The following TMEM245 variants were observed in gnomAD, a reference collection of about 807,000 sequenced individuals.
TMEM245 encodes the protein protein CG-2.
In TMEM245, 69 loss-of-function variants were observed where a neutral mutation model predicts 101.2. That is an observed-to-expected ratio of 0.68 (90% CI 0.56 to 0.83). TMEM245 has a LOEUF of 0.83. TMEM245 is among the 40% of genes least tolerant of loss of function. The probability of loss-of-function intolerance (pLI) is 0.00; values close to 1 mark genes in which losing one functional copy is unlikely to be tolerated. For missense variants in TMEM245, 1,075 were observed against 1,092.8 expected (o/e 0.98, Z 0.23); for synonymous variants, 537 against 449.8 (o/e 1.19, Z -2.45).
At chr9:109,097,247 G>A (rs996371894) in intron 3 of TMEM245, among the ~76,000 whole-genome samples, 1 of 152,192 alleles carries the variant, frequency 6.6e-6, no homozygotes, top group African/African-American at 2.4e-5. Flanking sequence ...GTAGAAAAGT[G>A]TTTCAGGAAG....
At chr9:109,079,602 G>C (rs1430539285) in intron 8 of TMEM245, among the ~76,000 whole-genome samples, 1 of 152,100 alleles carries the variant, frequency 6.6e-6, no homozygotes, top group Non-Finnish European at 1.5e-5. Context: ...TCTACACCCA[G>C]AAATAAATGG....
intron 16 of TMEM245, 108 bp from the exon 17 acceptor site, chr9:109,033,609 CA>C: frequency 8.9e-7 from 1 of 1,121,234 alleles, no homozygotes; most frequent in Non-Finnish European, 1.2e-6. Context: ...AGCATATTAT[CA>C]GCTTTCTTTA....
At chr9:109,119,215 G>A (rs957796724) in intron 1 of TMEM245, 120 bp downstream of exon 1, 7 of 917,994 alleles carry the variant, frequency 7.6e-6, no homozygotes, top group African/African-American at 3.5e-5. Context: ...GAGACGGACG[G>A]TCACTGCAGC....
intron 10 of TMEM245, among the ~76,000 whole-genome samples, chr9:109,062,934 C>T (rs142046068): frequency 0.01 from 1,533 of 151,824 alleles, 11 homozygotes; most frequent in Non-Finnish European, 0.013. Flanking sequence ...CACGCCACTG[C>T]ACTCCAGCCT....
At chr9:109,083,916 A>AAAAAAAACAAAAC (rs1564197281) in intron 7 of TMEM245, among the ~76,000 whole-genome samples, 1 of 132,502 alleles carries the variant, frequency 7.5e-6, no homozygotes, top group Non-Finnish European at 1.6e-5. Context: ...AAAAAAAAAA[A>AAAAAAAACAAAAC]AAAAAAAAAA....
intron 17 of TMEM245, among the ~76,000 whole-genome samples, chr9:109,030,496 T>C (rs1198774526): frequency 6.6e-6 from 1 of 152,246 alleles, no homozygotes; most frequent in Non-Finnish European, 1.5e-5. Context: ...CTTGAAATCA[T>C]TAAGTTTTTC....
Position 109,119,737 on chromosome 9 carries a change from G to A in TMEM245, c.177C>T (p.Ala59=), listed in dbSNP as rs1830856663. The A allele has an allele frequency of 5.2e-6, 8 of 1,536,764 alleles. No individual in the cohort carries two copies. Among genetic ancestry groups the A allele is most frequent in the East Asian group, 2.6e-5 (1 of 38,638 alleles). Residue 59 remains alanine (A), a synonymous_variant, in exon 1 of 18, where the codon GCC becomes GCT. Coordinates refer to ENST00000374586, the MANE Select transcript of TMEM245 (RefSeq NM_032012.4). ...PIKQAFYNTG[A]VLFVCLCCGA... ...CGCAGCACAGGCACACGAACAGCACGGCCCCGGTGTTGTAGAAGGCCTGCT... is the reference window on the plus strand; with the variant it reads ...CGCAGCACAGGCACACGAACAGCACAGCCCCGGTGTTGTAGAAGGCCTGCT...
In TMEM245 at chr9:109,038,099, G is replaced by A. The variant is rs769526690; in HGVS notation, c.2142C>T (p.Ser714=). The change falls in exon 15 of 18, where the codon TCC becomes TCT. Residue 714 remains serine (S), a synonymous_variant. Transcript: ENST00000374586. ...ATCCATAGAAGCCAGCCATTTTGAGGGAAGCATCAAACACCCCTCTGGAAT... is the reference window on the plus strand; with the variant it reads ...ATCCATAGAAGCCAGCCATTTTGAGAGAAGCATCAAACACCCCTCTGGAAT... The part of the protein sequence containing the change: ...EEAIRGVFDA[S]LKMAGFYGLY... 2 of 1,612,682 alleles carry A rather than the reference G, an allele frequency of 1.2e-6. No homozygotes were observed. Among genetic ancestry groups the A allele is most frequent in the South Asian group, 2.2e-5 (2 of 90,868 alleles).
At chr9:109,118,393 T>C (rs1588087935) in intron 1 of TMEM245, among the ~76,000 whole-genome samples, 1 of 152,356 alleles carries the variant, frequency 6.6e-6, no homozygotes, top group East Asian at 1.9e-4. Context: ...AATTTGTAAA[T>C]GGTACTGTTT....
chr9:109,089,110 T>C (rs889843890), intron 5 of TMEM245, among the ~76,000 whole-genome samples: 1 of 151,208 alleles, frequency 6.6e-6, no homozygotes, highest in Non-Finnish European at 1.5e-5. Flanking sequence ...CTACAAAAAA[T>C]ACAAAACAAT....
chr9:109,067,464 C>T (rs1829204067), intron 9 of TMEM245, among the ~76,000 whole-genome samples: 1 of 152,200 alleles, frequency 6.6e-6, no homozygotes, highest in African/African-American at 2.4e-5. Flanking sequence ...CCTTCACCTT[C>T]CTGGGTAAAG....
Position 109,103,360 on chromosome 9 carries a change from T to C in TMEM245, c.799+3148A>G, listed in dbSNP as rs865916890. Among the ~76,000 whole-genome samples the C allele has an allele frequency of 3.9e-5, 6 of 152,124 alleles. No homozygotes were observed. In the South Asian group the frequency reaches 1.2e-3, roughly 32 times the overall value. ...AAGAAAACAATTCCACATGATAGTATCAAAAAGAATAAGGAATAAATTAAA... is the reference window on the plus strand; with the variant it reads ...AAGAAAACAATTCCACATGATAGTACCAAAAAGAATAAGGAATAAATTAAA... On this transcript the variant is annotated intron_variant, in intron 3 of 17. Coordinates refer to ENST00000374586, the MANE Select transcript of TMEM245 (RefSeq NM_032012.4).
chr9:109,062,985 A>C (rs1466316674), intron 10 of TMEM245, among the ~76,000 whole-genome samples: 1 of 152,150 alleles, frequency 6.6e-6, no homozygotes, highest in African/African-American at 2.4e-5. Context: ...AAAGAAAAAA[A>C]AAACTACACA....
At position 109,019,764 on chromosome 9, in the gene TMEM245, T is replaced by TCAA. The variant is rs1450907089; in HGVS notation, c.*693_*695dup. ...ATAGCAGCTTAATAAGTATTTCACT[T>TCAA]CAACGTGGTCAGCCAAGTTTTATAA... is the stretch of plus-strand genomic sequence containing the variant. On this transcript the variant is annotated 3_prime_UTR_variant, in exon 18 of 18. Transcript: ENST00000374586. The TCAA allele has an allele frequency of 6.6e-6, 1 of 152,606 alleles. No homozygotes were observed. The allele number at this position is 152,606 out of a possible 1,614,324, so 9.5% of individuals were successfully genotyped here. A position where few individuals can be genotyped will look rare whatever the true frequency, so the allele number is the denominator to read the frequency against.
At chr9:109,063,939 A>C (rs778160967) in intron 10 of TMEM245, among the ~76,000 whole-genome samples, 1 of 152,188 alleles carries the variant, frequency 6.6e-6, no homozygotes, top group Non-Finnish European at 1.5e-5. Flanking sequence ...TACAGTAGAA[A>C]CAAAGGATTT....
intron 14 of TMEM245, among the ~76,000 whole-genome samples, chr9:109,049,632 G>A (rs1450531609): frequency 2.6e-5 from 4 of 152,130 alleles, no homozygotes; most frequent in Non-Finnish European, 5.9e-5. Flanking sequence ...TTTGAGACCA[G>A]CCTGGCCAAC....
At position 109,091,004 on chromosome 9, in the gene TMEM245, A is replaced by G. The variant is rs2132567686; in HGVS notation, c.1068T>C (p.Phe356=). 2 of 1,614,166 alleles carry G rather than the reference A, an allele frequency of 1.2e-6. No homozygotes were observed. Among genetic ancestry groups the G allele is most frequent in the East Asian group, 4.5e-5 (2 of 44,870 alleles). The change falls in exon 5 of 18, where the codon TTT becomes TTC. Residue 356 remains phenylalanine (F), a synonymous_variant. Coordinates refer to ENST00000374586, the MANE Select transcript of TMEM245 (RefSeq NM_032012.4). ...CGACAATGGCCCAAACTAGAGACAC[A>G]AAGTAGATGTCACTAGTTTTCTTCT... ...LRKKKTSDIY[F]VSLVWAIVVM...
chr9:109,071,235 A>AT (rs557379952), intron 9 of TMEM245, among the ~76,000 whole-genome samples: 5 of 151,442 alleles, frequency 3.3e-5, no homozygotes, highest in African/African-American at 9.7e-5. Context: ...TCATTAGTCC[A>AT]TTTTTTTTAA....
rs1403473323 is a variant in TMEM245 at position 109,017,543 on chromosome 9, G to C, written c.*2917C>G. The C allele has an allele frequency of 6.6e-6, 1 of 152,162 alleles. No individual in the cohort carries two copies. The highest frequency in any genetic ancestry group is 1.5e-5 in the Non-Finnish European group (1 of 68,016). 9.4% of individuals were successfully genotyped at this position (152,162 alleles called of 1,614,324 possible). ...AGGAGCATACCTGTGTGGAGAGCTTGTATTTTCTCCCCTCCCATCCATTCG... is the reference window on the plus strand; with the variant it reads ...AGGAGCATACCTGTGTGGAGAGCTTCTATTTTCTCCCCTCCCATCCATTCG... On this transcript the variant is annotated 3_prime_UTR_variant, in exon 18 of 18. Coordinates refer to ENST00000374586, the MANE Select transcript of TMEM245 (RefSeq NM_032012.4).
Sources: allele counts gnomAD v4.1 joint callset (sites outside exome capture counted in the v4.1 genomes callset), GRCh38; gene constraint gnomAD v4.1.1; transcripts MANE v1.5; gene names NCBI Gene and HGNC (gene_info 2026-07-23, HGNC 2026-07-21).